Variants in ADGRV1 observed in about 807,000 individuals in gnomAD.
ADGRV1 encodes the protein G-protein coupled receptor 98.
A neutral mutation model predicts 596.2 loss-of-function variants in ADGRV1; 359 were observed. That is an observed-to-expected ratio of 0.60 (90% confidence interval 0.55 to 0.66). ADGRV1 has a LOEUF of 0.66. ADGRV1 is among the 30% of genes least tolerant of loss of function. ADGRV1 has a pLI of 0.00. For synonymous variants in ADGRV1, 2,681 were observed against 2,679.2 expected (o/e 1.00, Z -0.02); for missense variants, 7,274 against 7,575.6 (o/e 0.96, Z 1.48).
intron 85 of ADGRV1, among the ~76,000 whole-genome samples, chr5:91,048,195 G>A (rs145784002): frequency 1.2e-3 from 177 of 152,314 alleles, no homozygotes; most frequent in African/African-American, 4.0e-3. Flanking sequence ...TCATAAGTTG[G>A]CTGCCATCCT....
intron 87 of ADGRV1, among the ~76,000 whole-genome samples, chr5:91,116,675 T>C (rs975634566): frequency 6.6e-6 from 1 of 152,190 alleles, no homozygotes; most frequent in African/African-American, 2.4e-5. Flanking sequence ...AATGTATGGG[T>C]GCTATATAAA....
chr5:90,673,189 C>T (rs914113837), intron 22 of ADGRV1, among the ~76,000 whole-genome samples: 7 of 151,932 alleles, frequency 4.6e-5, no homozygotes, highest in African/African-American at 1.5e-4. Flanking sequence ...CTCCTAAGGC[C>T]CATTATGAAT....
chr5:90,763,306 T>G lies in ADGRV1; in HGVS notation c.12122T>G (p.Val4041Gly). The G allele has an allele frequency of 4.5e-6, 7 of 1,551,230 alleles. No homozygotes were observed. Among genetic ancestry groups the G allele is most frequent in the Non-Finnish European group, 6.1e-6 (7 of 1,140,938 alleles). ...FGVFGFEEKTVMIDESLSSDD... is the reference protein window; with the variant it reads ...FGVFGFEEKTGMIDESLSSDD... ...CCTTACTGAATTTTCTTCTTTCAGG[T>G]AATGATTGATGAATCCCTTTCATCC... Residue 4041 changes from valine to glycine, a missense_variant and splice_region_variant, in exon 59 of 90, where the codon GTA (valine) becomes GGA (glycine). Val to Gly is a moderately radical substitution (Grantham distance 109). Around this residue, in one of 5 missense-constraint regions of ADGRV1, gnomAD observed 3,643 missense variants for 3,809.2 expected, o/e 0.96. Transcript: ENST00000405460.
chr5:90,763,341 G>A lies in ADGRV1; in HGVS notation c.12157G>A (p.Asp4053Asn), dbSNP rs1445693357. Residue 4053 changes from aspartate (D) to asparagine (N), a missense_variant, in exon 59 of 90, where the codon GAT becomes AAT. Physicochemically the swap from Asp to Asn is conservative, Grantham distance 23 (BLOSUM62 1). Transcript: ENST00000405460. Reference sequence around the variant, plus strand: ...TGAATCCCTTTCATCCGATGACCCTGATTCATATGTGACATTGACGGTTGT... The same window carrying A: ...TGAATCCCTTTCATCCGATGACCCTAATTCATATGTGACATTGACGGTTGT... ...IDESLSSDDP[D>N]SYVTLTVVRS... 1 of 1,608,346 alleles carries A rather than the reference G, an allele frequency of 6.2e-7. No homozygotes were observed. The highest frequency in any genetic ancestry group is 1.3e-5 in the African/African-American group (1 of 74,588).
At chr5:91,058,663 T>A (rs758069635) in intron 85 of ADGRV1, among the ~76,000 whole-genome samples, 6 of 152,142 alleles carry the variant, frequency 3.9e-5, no homozygotes. Context: ...GCTTCCTTAT[T>A]ACGTGCCTCT....
chr5:90,861,548 A>T (rs956179153), intron 82 of ADGRV1, among the ~76,000 whole-genome samples: 2 of 152,024 alleles, frequency 1.3e-5, no homozygotes, highest in African/African-American at 4.8e-5. Flanking sequence ...TGACCTCGTG[A>T]TCTGCCCACC....
At chr5:91,070,941 C>T (rs1485419916) in intron 85 of ADGRV1, among the ~76,000 whole-genome samples, 1 of 152,200 alleles carries the variant, frequency 6.6e-6, no homozygotes, top group African/African-American at 2.4e-5. Context: ...TGGGAATCCT[C>T]AGATTTGCCT....
At position 90,629,450 on chromosome 5, in the gene ADGRV1, A is replaced by G. The variant is rs1561417370; in HGVS notation, c.1750A>G (p.Ile584Val). The G allele has an allele frequency of 4.3e-6, 7 of 1,613,668 alleles. No homozygotes were observed. The highest frequency in any genetic ancestry group is 5.9e-6 in the Non-Finnish European group (7 of 1,179,762). Reference protein sequence around the residue: ...ILNISRRNDLIFPEQKTQVTT... With the variant: ...ILNISRRNDLVFPEQKTQVTT... ...AAATATATCAAGGAGAAATGACCTC[A>G]TTTTTCCAGAGCAAAAAACTCAAGT... The change falls in exon 9 of 90, where the codon ATT becomes GTT. Residue 584 changes from isoleucine (I) to valine (V), a missense_variant. Coordinates refer to ENST00000405460, the MANE Select transcript of ADGRV1 (RefSeq NM_032119.4).
chr5:90,757,790 T>G (rs1468232805), intron 57 of ADGRV1, among the ~76,000 whole-genome samples: 3 of 152,226 alleles, frequency 2.0e-5, no homozygotes, highest in Non-Finnish European at 4.4e-5. Flanking sequence ...CATACCATTT[T>G]TTTATCAGTA....
At chr5:90,658,468 T>G (rs563483784) in intron 21 of ADGRV1, among the ~76,000 whole-genome samples, 190 bp downstream of exon 21, 1 of 152,312 alleles carries the variant, frequency 6.6e-6, no homozygotes, top group East Asian at 1.9e-4. Context: ...TTGGATCAAC[T>G]TAATGAGCTG....
chr5:90,811,928 A>ATT (rs57092908), intron 74 of ADGRV1, among the ~76,000 whole-genome samples: 5 of 132,586 alleles, frequency 3.8e-5, no homozygotes, highest in Non-Finnish European at 3.2e-5. Flanking sequence ...ATCATACTGT[A>ATT]TTTTTTTTTT....
At chr5:90,595,954 G>C (rs1210919393) in intron 1 of ADGRV1, among the ~76,000 whole-genome samples, 1 of 150,020 alleles carries the variant, frequency 6.7e-6, no homozygotes, top group East Asian at 2.0e-4. Context: ...CTTCCCAGAC[G>C]GGGTGGCTGC....
chr5:90,922,368 T>C (rs190090226), intron 83 of ADGRV1, among the ~76,000 whole-genome samples: 158 of 152,350 alleles, frequency 1.0e-3, no homozygotes, highest in Non-Finnish European at 2.0e-3. Context: ...TGGGATAAAC[T>C]ATATGACATG....
chr5:90,721,540 A>T (rs1318103189), intron 45 of ADGRV1, among the ~76,000 whole-genome samples: 978 of 22,172 alleles, frequency 0.044, 45 homozygotes, highest in East Asian at 0.28. Context: ...TAAAAATAAA[A>T]TAAAATAAAA....
rs1257902131 is a variant in ADGRV1, at chr5:90,783,230, A to G, written c.13338A>G (p.Gly4446=). Reference sequence around the variant, plus strand: ...CTCAGAGCTCCTCTGCCAGTCCCGGAGGTGTTGATTACATTTTGCATGGCA... The same window carrying G: ...CTCAGAGCTCCTCTGCCAGTCCCGGGGGTGTTGATTACATTTTGCATGGCA... ...FISQSSSASP[G]GVDYILHGST... Residue 4446 remains glycine, a synonymous_variant, in exon 66 of 90, where the codon GGA becomes GGG. Transcript: ENST00000405460. 32 of 1,613,626 alleles carry G rather than the reference A, an allele frequency of 2.0e-5. No individual in the cohort carries two copies. The highest frequency in any genetic ancestry group is 2.7e-5 in the Non-Finnish European group (32 of 1,179,610).
At chr5:90,770,131 CAG>C (rs1010862138) in intron 59 of ADGRV1, among the ~76,000 whole-genome samples, 3 of 152,158 alleles carry the variant, frequency 2.0e-5, no homozygotes, top group African/African-American at 7.2e-5. Flanking sequence ...AATGGACTCA[CAG>C]TTCCACATGG....
rs141835806 is a variant in ADGRV1 at position 91,108,839 on chromosome 5, C to T, written c.18432+6499C>T. 4.6e-5 allele frequency among the ~76,000 whole-genome samples: 7 copies of T among 152,180 alleles called. No individual in the cohort carries two copies. In the East Asian group the frequency reaches 1.4e-3, roughly 29 times the overall value. On this transcript the variant is annotated intron_variant, in intron 87 of 89. Coordinates refer to ENST00000405460, the MANE Select transcript of ADGRV1 (RefSeq NM_032119.4). ...CTTGAACTCCTGGCCTCGAGTGATC[C>T]TCCCACCTCAGCCTCCCAAAGTGCT...
Position 90,783,987 on chromosome 5 carries a change from C to CT in ADGRV1, c.13584dup (p.Asn4529Ter), listed in dbSNP as rs1561723536. ...CTCAATCAAAGCAAAATTTCTATTG[C>CT]TAATCCCAATTCCACAATGATTTTA... On this transcript the variant is annotated frameshift_variant, in exon 67 of 90. Coordinates refer to ENST00000405460, the MANE Select transcript of ADGRV1 (RefSeq NM_032119.4). LOFTEE classifies it high-confidence loss of function. 1 of 1,612,776 alleles carries CT rather than the reference C, an allele frequency of 6.2e-7. No individual in the cohort carries two copies. Among genetic ancestry groups the CT allele is most frequent in the Admixed American group, 1.7e-5 (1 of 59,846 alleles).
chr5:90,776,084 C>T (rs1042447597), intron 60 of ADGRV1, among the ~76,000 whole-genome samples: 3 of 152,026 alleles, frequency 2.0e-5, no homozygotes, highest in Non-Finnish European at 2.9e-5. Context: ...TTGCTTTTGC[C>T]ATATAGCCAG....
Sources: gnomAD v4.1 joint callset for allele counts (sites outside exome capture counted in the v4.1 genomes callset) on GRCh38, gnomAD v4.1.1 for gene constraint, gnomAD v4.1.1 regional missense constraint, MANE v1.5 for transcripts, NCBI Gene and HGNC (gene_info 2026-07-23, HGNC 2026-07-21) for gene names.